Variants in TAF3 observed in about 807,000 individuals in gnomAD.
TAF3 encodes transcription initiation factor TFIID subunit 3.
Under a neutral mutation model 80.6 loss-of-function variants are expected in TAF3, and 7 were observed. That is an observed-to-expected ratio of 0.09 (90% confidence interval 0.05 to 0.16). The LOEUF is 0.16. TAF3 is among the 10% of genes least tolerant of loss of function. TAF3 has a pLI of 1.00. For missense variants in TAF3, 921 were observed against 1,140.2 expected (o/e 0.81, Z 2.77); for synonymous variants, 444 against 446.1 (o/e 1.00, Z 0.06).
At chr10:7,997,988 TTTAAAA>T (rs912247520) in intron 4 of TAF3, among the ~76,000 whole-genome samples, 3 of 152,104 alleles carry the variant, frequency 2.0e-5, no homozygotes, top group Admixed American at 6.5e-5. Flanking sequence ...TTCTGTTTTG[TTTAAAA>T]TTAAAAGGAT....
intron 2 of TAF3, among the ~76,000 whole-genome samples, chr10:7,827,784 A>AC (rs1411938408): frequency 8.6e-4 from 130 of 151,460 alleles, no homozygotes; most frequent in African/African-American, 3.0e-3. Context: ...TGTCTCAAAA[A>AC]AAAAAAAAAA....
intron 4 of TAF3, among the ~76,000 whole-genome samples, chr10:7,990,312 G>GT (rs1831821918): frequency 2.0e-5 from 3 of 152,172 alleles, no homozygotes; most frequent in South Asian, 2.1e-4. Flanking sequence ...CCATGTTCTA[G>GT]TTTTTTTTCT....
At chr10:7,967,535 A>G (rs1446617118) in intron 3 of TAF3, among the ~76,000 whole-genome samples, 4 of 152,228 alleles carry the variant, frequency 2.6e-5, no homozygotes, top group South Asian at 4.1e-4. Context: ...TTGCTGGGCT[A>G]TGGAGCAGGT....
chr10:7,879,628 T>C (rs913455510), intron 2 of TAF3, among the ~76,000 whole-genome samples: 2 of 152,230 alleles, frequency 1.3e-5, no homozygotes, highest in African/African-American at 4.8e-5. Flanking sequence ...TCAGACAGCA[T>C]AGAAATGACG....
chr10:7,926,338 T>G (rs4749361), intron 2 of TAF3, among the ~76,000 whole-genome samples: 86,221 of 152,000 alleles, frequency 0.57, 25,494 homozygotes, highest in East Asian at 0.72. Context: ...TGTTCAGTAA[T>G]TCCTGCCATA....
At chr10:7,988,752 G>GAAA (rs56395044) in intron 4 of TAF3, among the ~76,000 whole-genome samples, 4 of 92,824 alleles carry the variant, frequency 4.3e-5, no homozygotes, top group African/African-American at 1.0e-4. Flanking sequence ...CTGTCTCTCA[G>GAAA]AAAAAAAAAA....
intron 2 of TAF3, among the ~76,000 whole-genome samples, chr10:7,851,371 C>T (rs571159674): frequency 1.3e-5 from 2 of 152,178 alleles, no homozygotes; most frequent in African/African-American, 4.8e-5. Flanking sequence ...GTGACTGGAA[C>T]AGGGGGTGGT....
At chr10:7,989,569 TG>T (rs1831814573) in intron 4 of TAF3, among the ~76,000 whole-genome samples, 1 of 152,258 alleles carries the variant, frequency 6.6e-6, no homozygotes, top group African/African-American at 2.4e-5. Flanking sequence ...ATATTGTTTT[TG>T]CACATGGTTC....
At chr10:7,991,668 ATG>A (rs1239973037) in intron 4 of TAF3, among the ~76,000 whole-genome samples, 1 of 152,206 alleles carries the variant, frequency 6.6e-6, no homozygotes, top group Non-Finnish European at 1.5e-5. Flanking sequence ...ATGTATATGT[ATG>A]TGTGTGTCTA....
intron 4 of TAF3, among the ~76,000 whole-genome samples, chr10:7,984,699 A>G (rs1355425083): frequency 6.6e-6 from 1 of 152,224 alleles, no homozygotes; most frequent in Non-Finnish European, 1.5e-5. Context: ...AGTGTTATCA[A>G]GGTCCACGAT....
chr10:7,856,373 G>A (rs539401344), intron 2 of TAF3, among the ~76,000 whole-genome samples: 9 of 152,220 alleles, frequency 5.9e-5, no homozygotes, highest in African/African-American at 1.9e-4. Context: ...CCAGCTACTC[G>A]GGAGGCCGAG....
chr10:7,914,175 G>A (rs754488176), intron 2 of TAF3, among the ~76,000 whole-genome samples: 16 of 152,288 alleles, frequency 1.1e-4, no homozygotes, highest in South Asian at 4.1e-4. Flanking sequence ...TGATGATGGC[G>A]ATGTGGTTAT....
intron 3 of TAF3, among the ~76,000 whole-genome samples, chr10:7,965,968 G>T (rs146819922): frequency 0.011 from 1,690 of 152,120 alleles, 32 homozygotes; most frequent in African/African-American, 0.038. Flanking sequence ...AGCCTAAGAG[G>T]CATCTAATCA....
chr10:7,998,181 C>G lies in TAF3; in HGVS notation c.2316-10897C>G, dbSNP rs182853137. 1.5e-4 allele frequency among the ~76,000 whole-genome samples: 22 copies of G among 148,854 alleles called. No individual in the cohort carries two copies. In the East Asian group the frequency reaches 3.4e-3, roughly 23 times the overall value. ...AAGTTAGGATAAAAGTTTGTCTTGT[C>G]AACACTGAGTAGCCACTTTAATGTT... On this transcript the variant is annotated intron_variant, in intron 4 of 6. Coordinates refer to ENST00000344293, the MANE Select transcript of TAF3 (RefSeq NM_031923.4).
intron 2 of TAF3, among the ~76,000 whole-genome samples, chr10:7,936,671 A>G (rs1487987981): frequency 2.0e-5 from 3 of 152,132 alleles, no homozygotes; most frequent in African/African-American, 7.2e-5. Flanking sequence ...TGATGAAACT[A>G]CACTGGCACA....
At chr10:7,898,490 G>A (rs1242367677) in intron 2 of TAF3, among the ~76,000 whole-genome samples, 1 of 147,012 alleles carries the variant, frequency 6.8e-6, no homozygotes, top group Non-Finnish European at 1.5e-5. Flanking sequence ...AGGTTGCAGT[G>A]AGCCTAGATC....
intron 2 of TAF3, among the ~76,000 whole-genome samples, chr10:7,903,252 T>C (rs545592417): frequency 1.3e-5 from 2 of 152,310 alleles, no homozygotes; most frequent in South Asian, 2.1e-4. Context: ...TCTGTCATCA[T>C]GTATGCTGCT....
chr10:7,883,972 A>C (rs903852462), intron 2 of TAF3, among the ~76,000 whole-genome samples: 2 of 152,118 alleles, frequency 1.3e-5, no homozygotes, highest in African/African-American at 4.8e-5. Flanking sequence ...GAGCATGCTA[A>C]CATGCTTGCC....
At chr10:7,862,816 A>G (rs1351464342) in intron 2 of TAF3, among the ~76,000 whole-genome samples, 1 of 152,200 alleles carries the variant, frequency 6.6e-6, no homozygotes, top group Non-Finnish European at 1.5e-5. Context: ...TTTCACCAAT[A>G]TAATTATTTT....
Sources: gnomAD v4.1 joint callset for allele counts (sites outside exome capture counted in the v4.1 genomes callset) on GRCh38, gnomAD v4.1.1 for gene constraint, MANE v1.5 for transcripts, NCBI Gene and HGNC (gene_info 2026-07-23, HGNC 2026-07-21) for gene names.